Variants in PLA2G4E observed in about 807,000 individuals in gnomAD.
PLA2G4E encodes cytosolic phospholipase A2 epsilon.
In PLA2G4E, 84 loss-of-function variants were observed where a neutral mutation model predicts 109.1. The ratio of observed to expected loss-of-function variants is 0.77; its 90% CI spans 0.65 to 0.92. PLA2G4E has a LOEUF of 0.92. PLA2G4E is among the 40% of genes least tolerant of loss of function. The pLI is 0.00. For missense variants in PLA2G4E, 1,057 were observed against 1,076.6 expected, an observed-to-expected ratio of 0.98 and a Z score of 0.25; for synonymous variants, 469 against 436.1, an observed-to-expected ratio of 1.08 and a Z score of -0.94.
chr15:42,008,461 T>C (rs2068500136), intron 2 of PLA2G4E, among the ~76,000 whole-genome samples: 1 of 152,234 alleles, frequency 6.6e-6, no homozygotes, highest in African/African-American at 2.4e-5. Context: ...TCTTCTTACC[T>C]ATCCTGATCT....
chr15:41,999,543 G>A (rs770070381), exon 10 of PLA2G4E: 3 of 1,611,358 alleles, frequency 1.9e-6, no homozygotes, highest in East Asian at 4.5e-5. Context: ...GACTTCATGT[G>A]TAATTCATAA....
rs527319700 is a variant in PLA2G4E, at chr15:42,043,703, G to A, written c.183+6818C>T. ...AGGAGATCTAGAGTTAGAGAGACCC[G>A]AGTGCGTATCTTGGCTCTGGCACTT... On this transcript the variant is annotated intron_variant, in intron 1 of 19. Transcript: ENST00000399518. Among the ~76,000 whole-genome samples the A allele has an allele frequency of 6.6e-5, 10 of 152,138 alleles. No individual in the cohort carries two copies. In the South Asian group the frequency reaches 1.7e-3, roughly 25 times the overall value.
At chr15:42,006,486 T>A in intron 3 of PLA2G4E, among the ~76,000 whole-genome samples, 1 of 152,278 alleles carries the variant, frequency 6.6e-6, no homozygotes, top group Non-Finnish European at 1.5e-5. Flanking sequence ...TAGAATGTGG[T>A]CAGCACTGGG....
chr15:41,996,512 C>T (rs991766845), intron 11 of PLA2G4E, among the ~76,000 whole-genome samples: 1 of 152,324 alleles, frequency 6.6e-6, no homozygotes, highest in African/African-American at 2.4e-5. Context: ...CTGTCCTCAC[C>T]TAGGGTCAGC....
chr15:42,044,125 T>G (rs1017283531), intron 1 of PLA2G4E, among the ~76,000 whole-genome samples: 1 of 152,194 alleles, frequency 6.6e-6, no homozygotes, highest in Admixed American at 6.5e-5. Flanking sequence ...ACATGGTGCC[T>G]GCTCTTGGGA....
At chr15:42,016,655 A>T (rs1227684215) in intron 1 of PLA2G4E, among the ~76,000 whole-genome samples, 2 of 152,058 alleles carry the variant, frequency 1.3e-5, no homozygotes, top group African/African-American at 4.8e-5. Flanking sequence ...CTTAATTCTG[A>T]TCAGCAACAG....
At chr15:42,006,189 C>A in intron 3 of PLA2G4E, 68 bp from the exon 4 acceptor site, 1 of 1,588,242 alleles carries the variant, frequency 6.3e-7, no homozygotes, top group Non-Finnish European at 8.6e-7. Context: ...GAACAAGGGG[C>A]TTGACCTCTG....
chr15:42,044,978 G>T (rs1263992196), intron 1 of PLA2G4E, among the ~76,000 whole-genome samples: 2 of 152,044 alleles, frequency 1.3e-5, no homozygotes, highest in African/African-American at 4.8e-5. Flanking sequence ...AACCTACACG[G>T]CATGGTGATA....
At chr15:42,013,064 G>A (rs1482186285) in intron 2 of PLA2G4E, among the ~76,000 whole-genome samples, 1 of 152,218 alleles carries the variant, frequency 6.6e-6, no homozygotes, top group African/African-American at 2.4e-5. Context: ...TGGAAATGCA[G>A]CAGGCTCTGG....
intron 1 of PLA2G4E, among the ~76,000 whole-genome samples, chr15:42,014,235 C>T (rs1349720893): frequency 1.3e-5 from 2 of 152,162 alleles, no homozygotes; most frequent in African/African-American, 2.4e-5. Context: ...TCTGTCTGCT[C>T]TTCAGCCTGG....
Position 41,995,379 on chromosome 15 carries a change from C to G in PLA2G4E, c.1228G>C (p.Gly410Arg), listed in dbSNP as rs754586477. The stretch of plus-strand genomic sequence containing the variant: ...CCTTACCAGGTGGCCCCTGATAGAC[C>G]GGTGATGTAGCTGGCACAGTCCAGG... Residue 410 changes from glycine (G) to arginine (R), a missense_variant, in exon 12 of 20, where the codon GGT becomes CGT. Coordinates refer to ENST00000399518, the Ensembl canonical transcript of PLA2G4E. 1.6e-5 allele frequency: 26 copies of G among 1,613,466 alleles called. No homozygotes were observed. Among genetic ancestry groups the G allele is most frequent in the Non-Finnish European group, 2.1e-5 (25 of 1,179,488 alleles).
exon 13 of PLA2G4E, chr15:41,992,761 C>G: frequency 6.2e-7 from 1 of 1,612,636 alleles, no homozygotes; most frequent in Non-Finnish European, 8.5e-7. Flanking sequence ...AGGTCTCTAT[C>G]AGCAGGCCCC....
At chr15:41,997,466 A>C in intron 10 of PLA2G4E, 4 of 452,766 alleles carry the variant, frequency 8.8e-6, no homozygotes, top group Non-Finnish European at 1.1e-5. Context: ...GAGATAACAA[A>C]TGCAAAGCCC....
intron 6 of PLA2G4E, among the ~76,000 whole-genome samples, chr15:42,002,206 A>G (rs1445994084): frequency 7.2e-6 from 1 of 139,712 alleles, no homozygotes; most frequent in African/African-American, 2.6e-5. Context: ...CAGAGGTTGC[A>G]GTGATCCGAG....
chr15:42,050,530 C>G (rs1348161487), exon 1 of PLA2G4E: 44 of 1,550,330 alleles, frequency 2.8e-5, no homozygotes, highest in Non-Finnish European at 3.7e-5. Context: ...CCTCAGAGCC[C>G]CAAGGAGCCA....
exon 13 of PLA2G4E, chr15:41,992,907 G>C (rs552029346): frequency 8.1e-6 from 13 of 1,613,838 alleles, no homozygotes; most frequent in Non-Finnish European, 1.1e-5. Flanking sequence ...AAGATAGCAG[G>C]CTCCAAGTTT....
exon 17 of PLA2G4E, chr15:41,987,322 T>C: frequency 3.1e-6 from 5 of 1,613,904 alleles, no homozygotes; most frequent in South Asian, 1.1e-5. Context: ...ACTACCGTGG[T>C]CTCCAGGATG....
chr15:42,022,594 G>C (rs2068658416), intron 1 of PLA2G4E, among the ~76,000 whole-genome samples: 1 of 151,950 alleles, frequency 6.6e-6, no homozygotes, highest in Admixed American at 6.6e-5. Context: ...GTGCAACCTA[G>C]ATCCCTCGAG....
intron 1 of PLA2G4E, among the ~76,000 whole-genome samples, chr15:42,031,405 T>C (rs754424655): frequency 1.3e-5 from 2 of 152,216 alleles, no homozygotes; most frequent in Non-Finnish European, 1.5e-5. Context: ...GTCTGATTGA[T>C]GTTTTTACAG....
Sources: allele counts gnomAD v4.1 joint callset (sites outside exome capture counted in the v4.1 genomes callset), GRCh38; gene constraint gnomAD v4.1.1; transcripts MANE v1.5; gene names NCBI Gene and HGNC (gene_info 2026-07-23, HGNC 2026-07-21).